The following ZNF735 variants were observed in gnomAD, a reference collection of about 807,000 sequenced individuals.
ZNF735 encodes zinc finger protein 735.
ZNF735 carries 11 observed loss-of-function variants against 13.4 expected under a neutral mutation model. The observed-to-expected ratio is 0.82, with a 90% CI of 0.52 to 1.36. The LOEUF is 1.36. Ranked by LOEUF, ZNF735 falls within the 40% of genes most tolerant of loss-of-function variation. The probability of loss-of-function intolerance (pLI) is 0.00; values close to 1 mark genes in which losing one functional copy is unlikely to be tolerated. For synonymous variants in ZNF735, 171 were observed against 162.6 expected (o/e 1.05, Z -0.39); for missense variants, 500 against 484.6 (o/e 1.03, Z -0.30).
intron 1 of ZNF735, among the ~76,000 whole-genome samples, chr7:64,210,732 G>A (rs1397761132): frequency 4.0e-5 from 6 of 151,594 alleles, no homozygotes; most frequent in Admixed American, 6.6e-5. Context: ...ATTAGTTATG[G>A]AGAAGCTCAT....
chr7:64,219,720 C>A, exon 4 of ZNF735: 1 of 1,595,508 alleles, frequency 6.3e-7, no homozygotes, highest in Non-Finnish European at 8.5e-7. Context: ...AATCCTTTAA[C>A]CACTCCTCAA....
intron 3 of ZNF735, among the ~76,000 whole-genome samples, chr7:64,217,591 A>G (rs552276349): frequency 1.1e-3 from 161 of 151,940 alleles, no homozygotes; most frequent in African/African-American, 3.4e-3. Flanking sequence ...TGCTTTATAT[A>G]TTTTGAAGTC....
chr7:64,219,175 C>G (rs1787456426), intron 3 of ZNF735, 139 bp from the exon 4 acceptor site: 3 of 1,092,066 alleles, frequency 2.7e-6, no homozygotes, highest in Middle Eastern at 2.9e-4. Flanking sequence ...ATTTATATAT[C>G]TATGAAGGAA....
chr7:64,219,337 G>T lies in ZNF735; in HGVS notation c.286G>T (p.Asp96Tyr), dbSNP rs748397589. The change falls in exon 4 of 4, where the codon GAC becomes TAC. Residue 96 changes from aspartate to tyrosine, a missense_variant. By Grantham distance (160) the Asp-to-Tyr change is radical. Transcript: ENST00000429565. Reference sequence around the variant, plus strand: ...AGTTACATGTTCTCATTTCAACCAAGACCTTCAGCCAGAGCAGAGCATAAA... The same window carrying T: ...AGTTACATGTTCTCATTTCAACCAATACCTTCAGCCAGAGCAGAGCATAAA... 4 of 1,612,796 alleles carry T rather than the reference G, an allele frequency of 2.5e-6. No homozygotes were observed. The highest frequency in any genetic ancestry group is 1.7e-5 in the Admixed American group (1 of 59,700).
chr7:64,216,423 A>G (rs1301882156), intron 3 of ZNF735, among the ~76,000 whole-genome samples: 3 of 152,200 alleles, frequency 2.0e-5, no homozygotes, highest in Non-Finnish European at 4.4e-5. Flanking sequence ...TGTCACTTAA[A>G]TATGTTGAGC....
At chr7:64,211,876 G>GA (rs1376268838) in intron 1 of ZNF735, among the ~76,000 whole-genome samples, 2 of 86,118 alleles carry the variant, frequency 2.3e-5, no homozygotes, top group East Asian at 5.8e-4. Flanking sequence ...AAAAAAAAAA[G>GA]AAAAAAGAAA....
chr7:64,208,240 A>T (rs1305772444), intron 1 of ZNF735, among the ~76,000 whole-genome samples: 1 of 124,256 alleles, frequency 8.0e-6, no homozygotes, highest in East Asian at 2.6e-4. Context: ...AATCTCCAAT[A>T]AATGTTTTTT....
chr7:64,211,845 G>A (rs1787363451), intron 1 of ZNF735, among the ~76,000 whole-genome samples: 1 of 144,014 alleles, frequency 6.9e-6, no homozygotes, highest in Non-Finnish European at 1.5e-5. Flanking sequence ...TAGCCTGGGC[G>A]ACAGAGCAAG....
At chr7:64,219,722 A>G in exon 4 of ZNF735, 1 of 1,598,026 alleles carries the variant, frequency 6.3e-7, no homozygotes, top group Non-Finnish European at 8.5e-7. Flanking sequence ...TCCTTTAACC[A>G]CTCCTCAAGC....
At position 64,213,354 on chromosome 7, in the gene ZNF735, A is replaced by G. The variant is rs1306542016; in HGVS notation, c.166+136A>G. The stretch of plus-strand genomic sequence containing the variant: ...GAAAATCTTGGGGATTCATTGGTGT[A>G]GATTAAATTCTTCAAGATGTTTTAT... On this transcript the variant is annotated intron_variant, in intron 2 of 3. Coordinates refer to ENST00000429565, the Ensembl canonical transcript of ZNF735. 2 of 887,506 alleles carry G rather than the reference A, an allele frequency of 2.3e-6. No homozygotes were observed. The highest frequency in any genetic ancestry group is 3.3e-6 in the Non-Finnish European group (2 of 598,082). 55.0% of individuals were successfully genotyped at this position (887,506 alleles called of 1,614,324 possible). A position where few individuals can be genotyped will look rare whatever the true frequency, so the allele number is the denominator to read the frequency against.
chr7:64,217,882 C>T (rs1483148142), intron 3 of ZNF735, among the ~76,000 whole-genome samples: 1 of 151,978 alleles, frequency 6.6e-6, no homozygotes, highest in African/African-American at 2.4e-5. Context: ...TCTTACTGAT[C>T]TTGCTAATTG....
rs370643549 is a variant in ZNF735, at chr7:64,219,831, G to A, written c.780G>A (p.Lys260=). 4.2e-4 allele frequency: 670 copies of A among 1,613,522 alleles called. 12 individuals are homozygous for A. In the Middle Eastern group the frequency reaches 6.1e-3, roughly 15 times the overall value. The change falls in exon 4 of 4, where the codon AAG becomes AAA. Residue 260 remains lysine, a synonymous_variant. Coordinates refer to ENST00000429565, the Ensembl canonical transcript of ZNF735. Reference sequence around the variant, plus strand: ...GGCCCTCAAACCTTACTAGACATAAGAGAATTCACACTGGAGAGAAACCCT... The same window carrying A: ...GGCCCTCAAACCTTACTAGACATAAAAGAATTCACACTGGAGAGAAACCCT...
At chr7:64,207,911 C>A (rs1236488156) in intron 1 of ZNF735, among the ~76,000 whole-genome samples, 2 of 151,734 alleles carry the variant, frequency 1.3e-5, no homozygotes, top group African/African-American at 4.8e-5. Context: ...CACCTGAACC[C>A]GGGAGGCGGA....
chr7:64,214,099 A>T lies in ZNF735; in HGVS notation c.253A>T (p.Lys85Ter). ...TATAAAGAGAAATGAGATGGCAGCC[A>T]AACACCCAGGTAGGTGAGAGCAAAT... The change falls in exon 3 of 4, where the codon AAA becomes TAA. Residue 85 changes from lysine (K) to a stop codon, truncating the protein, a stop_gained. Coordinates refer to ENST00000429565, the Ensembl canonical transcript of ZNF735. LOFTEE classifies it low-confidence loss of function (END_TRUNC). 6.2e-7 allele frequency: 1 copy of T among 1,600,294 alleles called. No individual in the cohort carries two copies. Among genetic ancestry groups the T allele is most frequent in the East Asian group, 2.2e-5 (1 of 44,786 alleles).
chr7:64,209,166 T>C (rs530611568), intron 1 of ZNF735, among the ~76,000 whole-genome samples: 4 of 152,082 alleles, frequency 2.6e-5, no homozygotes, highest in African/African-American at 9.6e-5. Flanking sequence ...TAAACAAATT[T>C]ATACTCTCAC....
At chr7:64,208,063 G>A (rs1180838158) in intron 1 of ZNF735, among the ~76,000 whole-genome samples, 2 of 151,866 alleles carry the variant, frequency 1.3e-5, no homozygotes, top group Non-Finnish European at 2.9e-5. Flanking sequence ...TTGAAGAAAA[G>A]TCTGTTATAA....
chr7:64,208,549 A>G (rs1422773053), intron 1 of ZNF735, among the ~76,000 whole-genome samples: 5 of 151,862 alleles, frequency 3.3e-5, no homozygotes, highest in Non-Finnish European at 5.9e-5. Flanking sequence ...GAGCCACCAC[A>G]CTCAGTCAAG....
exon 4 of ZNF735, chr7:64,220,089 T>C (rs752297469): frequency 1.2e-6 from 2 of 1,613,684 alleles, no homozygotes; most frequent in Non-Finnish European, 1.7e-6. Context: ...ATAAGATAAT[T>C]CATACTGGAG....
chr7:64,207,936 G>T, intron 1 of ZNF735, among the ~76,000 whole-genome samples: 1 of 151,762 alleles, frequency 6.6e-6, no homozygotes, highest in Non-Finnish European at 1.5e-5. Flanking sequence ...GCAGTGAGCC[G>T]AGATCGCGCC....
Sources: allele counts gnomAD v4.1 joint callset (sites outside exome capture counted in the v4.1 genomes callset), GRCh38; gene constraint gnomAD v4.1.1; transcripts MANE v1.5; gene names NCBI Gene and HGNC (gene_info 2026-07-23, HGNC 2026-07-21).